CRTAP: variants seen among roughly 807,000 people sequenced by gnomAD.
The protein encoded by CRTAP is cartilage associated protein.
A neutral mutation model predicts 42.7 loss-of-function variants in CRTAP; 33 were observed. The observed-to-expected ratio is 0.77, with a 90% CI of 0.59 to 1.03. The LOEUF (loss-of-function observed/expected upper bound fraction) is 1.03, where lower values mean the gene tolerates loss of function less well. Among genes scored for constraint, CRTAP ranks in the 50% least tolerant of loss-of-function variants. CRTAP has a pLI of 0.00. For missense variants in CRTAP, 613 were observed against 533.9 expected, an observed-to-expected ratio of 1.15 and a Z score of -1.46; for synonymous variants, 243 against 217.7, an observed-to-expected ratio of 1.12 and a Z score of -1.02.
chr3:33,131,994 T>G (rs1409025198), intron 4 of CRTAP, among the ~76,000 whole-genome samples: 5 of 151,718 alleles, frequency 3.3e-5, no homozygotes, highest in Non-Finnish European at 5.9e-5. Context: ...CTGTCACAGG[T>G]GGGCAACACC....
At chr3:33,127,059 A>C (rs2030092026) in intron 3 of CRTAP, among the ~76,000 whole-genome samples, 1 of 151,440 alleles carries the variant, frequency 6.6e-6, no homozygotes, top group Non-Finnish European at 1.5e-5. Context: ...CTTTGTCCAC[A>C]AAAACTTCCT....
intron 3 of CRTAP, among the ~76,000 whole-genome samples, chr3:33,126,797 A>G (rs2030085575): frequency 6.6e-6 from 1 of 152,192 alleles, no homozygotes; most frequent in Non-Finnish European, 1.5e-5. Context: ...CAATCAATAT[A>G]TGTAAGATGT....
rs1287117776 is a variant in CRTAP, at chr3:33,147,655, C to T, written c.*5207C>T. The T allele has an allele frequency of 6.6e-6, 1 of 152,204 alleles. No homozygotes were observed. The highest frequency in any genetic ancestry group is 3.2e-3 in the Middle Eastern group (1 of 316). 9.4% of individuals were successfully genotyped at this position (152,204 alleles called of 1,614,324 possible). Reference sequence around the variant, plus strand: ...CCGTTGCTGATGTCTTTTTCTGCCTCCCCTCTTTGGGTTAGTGTGGTATGT... The same window carrying T: ...CCGTTGCTGATGTCTTTTTCTGCCTTCCCTCTTTGGGTTAGTGTGGTATGT... On this transcript the variant is annotated 3_prime_UTR_variant, in exon 7 of 7. Transcript: ENST00000320954.
intron 2 of CRTAP, among the ~76,000 whole-genome samples, chr3:33,123,662 C>G (rs2029966391): frequency 7.3e-6 from 1 of 136,808 alleles, no homozygotes; most frequent in African/African-American, 2.8e-5. Flanking sequence ...CAGAGTCTCG[C>G]TCTGTCACCC....
chr3:33,126,467 A>G lies in CRTAP; in HGVS notation c.793+1888A>G, dbSNP rs1268015144. ...CTTGTAAATCGGTAATTGGATGTAGAGGCTTGAACAGGCTCGGTTTGATTT... is the reference window on the plus strand; with the variant it reads ...CTTGTAAATCGGTAATTGGATGTAGGGGCTTGAACAGGCTCGGTTTGATTT... On this transcript the variant is annotated intron_variant, in intron 3 of 6. Coordinates refer to ENST00000320954, the MANE Select transcript of CRTAP (RefSeq NM_006371.5). Among the ~76,000 whole-genome samples the G allele has an allele frequency of 2.6e-5, 4 of 152,140 alleles. No homozygotes were observed. The East Asian group carries it at 7.7e-4, about 29-fold the overall frequency.
chr3:33,123,460 T>TTTCG (rs2029954190), intron 2 of CRTAP, among the ~76,000 whole-genome samples: 1 of 151,168 alleles, frequency 6.6e-6, no homozygotes, highest in African/African-American at 2.4e-5. Context: ...CCCCGCTCTC[T>TTTCG]TCCTTCTTCT....
At chr3:33,114,586 C>A in intron 1 of CRTAP, 38 bp downstream of exon 1, 1 of 1,543,562 alleles carries the variant, frequency 6.5e-7, no homozygotes, top group Non-Finnish European at 8.8e-7. Flanking sequence ...CCCGGCCCCG[C>A]CCCTGACCCA....
chr3:33,132,838 G>T (rs2030308217), intron 5 of CRTAP, 138 bp downstream of exon 5: 2 of 1,003,344 alleles, frequency 2.0e-6, no homozygotes, highest in Non-Finnish European at 3.0e-6. Flanking sequence ...CCAGCACTTT[G>T]GGAGGCCGAG....
chr3:33,118,789 AG>A (rs1230035556), intron 1 of CRTAP, among the ~76,000 whole-genome samples: 4 of 152,156 alleles, frequency 2.6e-5, no homozygotes, highest in African/African-American at 9.7e-5. Context: ...GAGTCCTCAC[AG>A]GGAGGCCTCT....
In CRTAP at chr3:33,145,292, G is replaced by A. The variant is rs2030691323; in HGVS notation, c.*2844G>A. 6.6e-6 allele frequency: 1 copy of A among 152,336 alleles called. No homozygotes were observed. Among genetic ancestry groups the A allele is most frequent in the South Asian group, 2.1e-4 (1 of 4,836 alleles). 9.4% of individuals were successfully genotyped at this position (152,336 alleles called of 1,614,324 possible). ...CCTACCACTTCTGTCTTGGGCTGAA[G>A]TTGCCCACGTCCACAAAATCTGTAC... On this transcript the variant is annotated 3_prime_UTR_variant, in exon 7 of 7. Coordinates refer to ENST00000320954, the MANE Select transcript of CRTAP (RefSeq NM_006371.5). The surrounding 1 kb of genome is among the most constrained non-coding windows in gnomAD (Gnocchi z 4.3).
chr3:33,124,572 C>G lies in CRTAP; in HGVS notation c.786C>G (p.Ser262=). The G allele has an allele frequency of 6.2e-7, 1 of 1,614,220 alleles. No homozygotes were observed. The highest frequency in any genetic ancestry group is 1.3e-5 in the African/African-American group (1 of 75,068). The part of the protein sequence containing the change: ...EIKDFKDFYL[S]IADHYVEVLE... ...AGGACTTCAAGGATTTCTACCTTTCCATAGCAGGTTGGTGGTAGGTCAATA... is the reference window on the plus strand; with the variant it reads ...AGGACTTCAAGGATTTCTACCTTTCGATAGCAGGTTGGTGGTAGGTCAATA... The change falls in exon 3 of 7, where the codon TCC becomes TCG. Residue 262 remains serine (S), a synonymous_variant. Coordinates refer to ENST00000320954, the MANE Select transcript of CRTAP (RefSeq NM_006371.5).
chr3:33,123,445 C>T lies in CRTAP; in HGVS notation c.622-963C>T, dbSNP rs143005908. On this transcript the variant is annotated intron_variant, in intron 2 of 6. Transcript: ENST00000320954. The stretch of plus-strand genomic sequence containing the variant: ...GACCTAGTTGTTTAAAAGTGTGTAA[C>T]ACCTCCCCGCTCTCTTCCTTCTTCT... Among the ~76,000 whole-genome samples the T allele has an allele frequency of 3.8e-3, 361 of 94,214 alleles. 1 individual carries two copies. The highest frequency in any genetic ancestry group is 0.011 in the African/African-American group (344 of 30,568). The allele number at this position is 94,214 out of a possible 152,430, so 61.8% of individuals were successfully genotyped here.
At chr3:33,117,549 G>A (rs112592216) in intron 1 of CRTAP, among the ~76,000 whole-genome samples, 5 of 152,300 alleles carry the variant, frequency 3.3e-5, no homozygotes, top group African/African-American at 4.8e-5. Context: ...AAAGTAGGCC[G>A]GAGCACTTCA....
At position 33,142,572 on chromosome 3, in the gene CRTAP, G is replaced by A; in HGVS notation, c.*124G>A. 2.2e-6 allele frequency: 2 copies of A among 910,594 alleles called. No homozygotes were observed. Among genetic ancestry groups the A allele is most frequent in the Non-Finnish European group, 3.5e-6 (2 of 571,742 alleles). 56.4% of individuals were successfully genotyped at this position (910,594 alleles called of 1,614,324 possible). A position where few individuals can be genotyped will look rare whatever the true frequency, so the allele number is the denominator to read the frequency against. On this transcript the variant is annotated 3_prime_UTR_variant, in exon 7 of 7. Coordinates refer to ENST00000320954, the MANE Select transcript of CRTAP (RefSeq NM_006371.5). ...CTTTACTCTCCAAAGTGAAAGGGAA[G>A]CCCCCGTCTCTCTAACTGCATGTCA...
At chr3:33,139,630 C>T (rs2030518709) in intron 6 of CRTAP, among the ~76,000 whole-genome samples, 1 of 152,080 alleles carries the variant, frequency 6.6e-6, no homozygotes, top group Non-Finnish European at 1.5e-5. Context: ...GCATGTGCCA[C>T]CACACCCGGG....
chr3:33,138,778 A>C (rs962547368), intron 6 of CRTAP, among the ~76,000 whole-genome samples: 3 of 152,002 alleles, frequency 2.0e-5, no homozygotes, highest in African/African-American at 7.2e-5. Context: ...AGGCTGAGGC[A>C]GGAGGATCAC....
Position 33,142,524 on chromosome 3 carries a change from C to G in CRTAP, c.*76C>G. ...TTTGTCCTTTTCCCAACAGCCCAGG[C>G]TGTTGATACCTCAGAGCCTTCTCTT... On this transcript the variant is annotated 3_prime_UTR_variant, in exon 7 of 7. Coordinates refer to ENST00000320954, the MANE Select transcript of CRTAP (RefSeq NM_006371.5). The G allele has an allele frequency of 7.3e-7, 1 of 1,370,504 alleles. No homozygotes were observed. Among genetic ancestry groups the G allele is most frequent in the Non-Finnish European group, 1.0e-6 (1 of 959,036 alleles). The allele number at this position is 1,370,504 out of a possible 1,614,324, so 84.9% of individuals were successfully genotyped here.
chr3:33,124,422 A>C lies in CRTAP; in HGVS notation c.636A>C (p.Arg212=), dbSNP rs749259974. The change falls in exon 3 of 7, where the codon CGA becomes CGC. Residue 212 remains arginine (R), a synonymous_variant. Coordinates refer to ENST00000320954, the MANE Select transcript of CRTAP (RefSeq NM_006371.5). ...ETKSYESLFI[R]AVRAYNGENW... ...ATGCCTTTCAGAGCCTGTTCATCCG[A>C]GCAGTGCGGGCATACAACGGTGAGA... 2.3e-5 allele frequency: 37 copies of C among 1,613,994 alleles called. 1 individual carries two copies. Among genetic ancestry groups the C allele is most frequent in the Non-Finnish European group, 3.1e-5 (37 of 1,180,038 alleles).
In CRTAP at chr3:33,114,227, C is replaced by CGCGCTGGACAAGTACAGCGGCGA. The variant is rs745763932; in HGVS notation, c.153_175dup (p.His59ArgfsTer123). On this transcript the variant is annotated frameshift_variant, in exon 1 of 7. Transcript: ENST00000320954. LOFTEE classifies it high-confidence loss of function. ...TGCCGCTCGAGTCGGCCTACCGGCACGCGCTGGACAAGTACAGCGGCGAGC... is the reference window on the plus strand; with the variant it reads ...TGCCGCTCGAGTCGGCCTACCGGCACGCGCTGGACAAGTACAGCGGCGAGCGCTGGACAAGTACAGCGGCGAGC... 6.3e-7 allele frequency: 1 copy of CGCGCTGGACAAGTACAGCGGCGA among 1,592,228 alleles called. No homozygotes were observed. The highest frequency in any genetic ancestry group is 1.1e-5 in the South Asian group (1 of 89,014).
Sources: allele counts gnomAD v4.1 joint callset (sites outside exome capture counted in the v4.1 genomes callset), GRCh38; gene constraint gnomAD v4.1.1; non-coding constraint Gnocchi (gnomAD v3.1); transcripts MANE v1.5; gene names NCBI Gene and HGNC (gene_info 2026-07-23, HGNC 2026-07-21).